Variants in ATP13A3 observed in about 807,000 individuals in gnomAD.
ATP13A3 encodes the protein ATPase 13A3.
In ATP13A3, 59 loss-of-function variants were observed where a neutral mutation model predicts 158.1. That is an observed-to-expected ratio of 0.37 (90% CI 0.30 to 0.46). ATP13A3 has a LOEUF of 0.46. ATP13A3 is among the 20% of genes least tolerant of loss of function. The pLI, the probability that ATP13A3 is intolerant of heterozygous loss-of-function variation, is 1.00. For missense variants in ATP13A3, 1,166 were observed against 1,525.2 expected (o/e 0.76, Z 3.92); for synonymous variants, 491 against 504.3 (o/e 0.97, Z 0.35).
At position 194,459,598 on chromosome 3, in the gene ATP13A3, ATC is replaced by A. The variant is rs1157711538; in HGVS notation, c.409-59_409-58del. 4 of 1,396,722 alleles carry A rather than the reference ATC, an allele frequency of 2.9e-6. No homozygotes were observed. In the African/African-American group the frequency reaches 5.7e-5, roughly 20 times the overall value. 86.5% of individuals were successfully genotyped at this position (1,396,722 alleles called of 1,614,324 possible). A position where few individuals can be genotyped will look rare whatever the true frequency, so the allele number is the denominator to read the frequency against. On this transcript the variant is annotated intron_variant, in intron 5 of 33. Transcript: ENST00000645319. ...AGCATATAATCACTTGTGATATGTA[ATC>A]TGTTACTTCTATTAACAGCTATATA...
chr3:194,428,095 C>T (rs989137726), intron 28 of ATP13A3, among the ~76,000 whole-genome samples: 2 of 151,916 alleles, frequency 1.3e-5, no homozygotes, highest in African/African-American at 4.8e-5. Flanking sequence ...ATGGTGCACA[C>T]CTGTAATCCC....
intron 14 of ATP13A3, among the ~76,000 whole-genome samples, chr3:194,446,524 ATTACC>A (rs1482555053): frequency 1.3e-5 from 2 of 152,174 alleles, no homozygotes; most frequent in Non-Finnish European, 2.9e-5. Flanking sequence ...TGGGTAAATA[ATTACC>A]TTACTTGTTT....
rs1714788346 is a variant in ATP13A3 at position 194,404,194 on chromosome 3, A to G, written c.*1725T>C. 2.3e-6 allele frequency: 1 copy of G among 429,404 alleles called. No homozygotes were observed. Among genetic ancestry groups the G allele is most frequent in the Non-Finnish European group, 4.6e-6 (1 of 218,260 alleles). 26.6% of individuals were successfully genotyped at this position (429,404 alleles called of 1,614,324 possible). On this transcript the variant is annotated 3_prime_UTR_variant, in exon 34 of 34. Coordinates refer to ENST00000645319, the MANE Select transcript of ATP13A3 (RefSeq NM_001367549.1). ...CAAGAGGTCTAAGATGCATAGCTTC[A>G]TAGAATCATTCATGGAACAACTGTT...
In ATP13A3 at chr3:194,437,398, C is replaced by T; in HGVS notation, c.1912G>A (p.Val638Ile). The T allele has an allele frequency of 4.3e-6, 7 of 1,614,206 alleles. No homozygotes were observed. Among genetic ancestry groups the T allele is most frequent in the Non-Finnish European group, 5.9e-6 (7 of 1,180,042 alleles). ...TTCCTATCCCCCAGCACCCTGGCAACCACACTCATACGTTGCAAAGCAGAA... is the reference window on the plus strand; with the variant it reads ...TTCCTATCCCCCAGCACCCTGGCAATCACACTCATACGTTGCAAAGCAGAA... ...FSSALQRMSV[V>I]ARVLGDRKMD... Residue 638 changes from valine (V) to isoleucine (I), a missense_variant, in exon 19 of 34, where the codon GTT becomes ATT. Transcript: ENST00000645319.
Position 194,480,439 on chromosome 3 carries a change from G to A in ATP13A3, c.-47+5355C>T, listed in dbSNP as rs181835840. ...AAGTTTAGATACTTTAAATTTCATGGAATCCATTAATAATTTACATCGCTC... is the reference window on the plus strand; with the variant it reads ...AAGTTTAGATACTTTAAATTTCATGAAATCCATTAATAATTTACATCGCTC... On this transcript the variant is annotated intron_variant, in intron 2 of 33. Transcript: ENST00000645319. Among the ~76,000 whole-genome samples the A allele has an allele frequency of 6.6e-3, 1,010 of 152,042 alleles. 12 individuals are homozygous for A. The highest frequency in any genetic ancestry group is 0.023 in the African/African-American group (954 of 41,444).
chr3:194,437,223 A>G lies in ATP13A3; in HGVS notation c.2000-8T>C, dbSNP rs1471482058. On this transcript the variant is annotated splice_polypyrimidine_tract_variant and splice_region_variant and intron_variant, in intron 19 of 33. Coordinates refer to ENST00000645319, the MANE Select transcript of ATP13A3 (RefSeq NM_001367549.1). ...TTTGAAAATCGACAGGAACTTTTTA[A>G]AAGAAAGAGTAAATTTCATTGTTAG... 6.2e-7 allele frequency: 1 copy of G among 1,613,816 alleles called. No individual in the cohort carries two copies. Among genetic ancestry groups the G allele is most frequent in the Non-Finnish European group, 8.5e-7 (1 of 1,179,946 alleles).
rs761536550 is a variant in ATP13A3 at position 194,447,098 on chromosome 3, T to A, written c.1326A>T (p.Ile442=). The A allele has an allele frequency of 1.2e-6, 2 of 1,608,574 alleles. No homozygotes were observed. Among genetic ancestry groups the A allele is most frequent in the Non-Finnish European group, 1.7e-6 (2 of 1,178,662 alleles). ...TGATAATATCAAGAGACTCGATAAT[T>A]ATGACCCCAACTTGTACCTACAATT... ...SILNEVQVGV[I]IIESLDIITI... is the part of the protein sequence containing the mutation. The change falls in exon 14 of 34, where the codon ATA becomes ATT. Residue 442 remains isoleucine (I), a synonymous_variant. Transcript: ENST00000645319.
At chr3:194,457,674 C>T (rs955545887) in intron 6 of ATP13A3, among the ~76,000 whole-genome samples, 1 of 152,048 alleles carries the variant, frequency 6.6e-6, no homozygotes, top group Non-Finnish European at 1.5e-5. Context: ...TAAATGCATA[C>T]CTGGTTTGAA....
At position 194,404,158 on chromosome 3, in the gene ATP13A3, A is replaced by G. The variant is rs1035929756; in HGVS notation, c.*1761T>C. ...ATAAGTAACTATAGAAAATAGTGCT[A>G]ATTCACAGCTCAAGAGGTCTAAGAT... On this transcript the variant is annotated 3_prime_UTR_variant, in exon 34 of 34. Transcript: ENST00000645319. The G allele has an allele frequency of 2.2e-5, 10 of 447,718 alleles. No homozygotes were observed. Among genetic ancestry groups the G allele is most frequent in the African/African-American group, 1.4e-4 (7 of 49,334 alleles). The allele number at this position is 447,718 out of a possible 1,614,324, so 27.7% of individuals were successfully genotyped here. A position where few individuals can be genotyped will look rare whatever the true frequency, so the allele number is the denominator to read the frequency against.
chr3:194,454,626 A>AGCG (rs1029579361), intron 8 of ATP13A3, among the ~76,000 whole-genome samples: 1 of 151,554 alleles, frequency 6.6e-6, no homozygotes, highest in Non-Finnish European at 1.5e-5. Flanking sequence ...CAGGAGATCA[A>AGCG]AACATCCTGG....
intron 30 of ATP13A3, among the ~76,000 whole-genome samples, chr3:194,424,985 T>C (rs1035553580): frequency 2.6e-5 from 4 of 152,148 alleles, no homozygotes; most frequent in African/African-American, 4.8e-5. Flanking sequence ...CCCTCCGCAG[T>C]GGGCTGAGGA....
At chr3:194,414,862 A>C (rs1251759516) in intron 31 of ATP13A3, among the ~76,000 whole-genome samples, 1 of 152,250 alleles carries the variant, frequency 6.6e-6, no homozygotes, top group Non-Finnish European at 1.5e-5. Context: ...CCCAAGTAAC[A>C]GTCAATATAT....
chr3:194,403,427 A>AG lies in ATP13A3; in HGVS notation c.*2491dup, dbSNP rs1399377414. On this transcript the variant is annotated 3_prime_UTR_variant, in exon 34 of 34. Transcript: ENST00000645319. ...AGTTACCACTATTTATACTTGAGGGAGAAAAAAAACTTTAAACAACCCTGA... is the reference window on the plus strand; with the variant it reads ...AGTTACCACTATTTATACTTGAGGGAGGAAAAAAAACTTTAAACAACCCTGA... 1 of 152,246 alleles carries AG rather than the reference A, an allele frequency of 6.6e-6. No individual in the cohort carries two copies. The allele number at this position is 152,246 out of a possible 1,614,324, so 9.4% of individuals were successfully genotyped here.
At chr3:194,433,260 G>T (rs371082788) in intron 21 of ATP13A3, among the ~76,000 whole-genome samples, 1 of 125,614 alleles carries the variant, frequency 8.0e-6, no homozygotes, top group African/African-American at 3.2e-5. Flanking sequence ...TTTTTGAGAC[G>T]GAGTCTCGCT....
intron 9 of ATP13A3, 43 bp from the exon 10 acceptor site, chr3:194,453,821 C>T: frequency 6.7e-7 from 1 of 1,491,808 alleles, no homozygotes; most frequent in Non-Finnish European, 9.3e-7. Flanking sequence ...AATATGAACC[C>T]ACTCCTCAGG....
Position 194,484,244 on chromosome 3 carries a change from T to C in ATP13A3, c.-47+1550A>G, listed in dbSNP as rs1577098624. ...ACTGTAAGCTCCTTAACTTCTTTAA[T>C]TTTTTTTTTAACAAAGAAGAATATT... is the stretch of plus-strand genomic sequence containing the variant. On this transcript the variant is annotated intron_variant, in intron 2 of 33. Transcript: ENST00000645319. Among the ~76,000 whole-genome samples the C allele has an allele frequency of 5.3e-5, 8 of 150,354 alleles. No individual in the cohort carries two copies. In the South Asian group the frequency reaches 1.7e-3, roughly 32 times the overall value.
At chr3:194,444,348 A>C (rs1005761677) in intron 15 of ATP13A3, among the ~76,000 whole-genome samples, 6 of 152,268 alleles carry the variant, frequency 3.9e-5, no homozygotes, top group African/African-American at 9.6e-5. Flanking sequence ...AAAATTAATA[A>C]ACTAGATCTG....
Position 194,412,188 on chromosome 3 carries a change from TGA to T in ATP13A3, c.3573+9_3573+10del. 1 of 1,534,538 alleles carries T rather than the reference TGA, an allele frequency of 6.5e-7. No individual in the cohort carries two copies. Among genetic ancestry groups the T allele is most frequent in the South Asian group, 1.2e-5 (1 of 84,026 alleles). ...GGCAGCAAGAATTGACAGGAAGTGC[TGA>T]GTTCCAACCTGCGGTGGCTGTGTGG... On this transcript the variant is annotated intron_variant, in intron 33 of 33. Transcript: ENST00000645319.
intron 31 of ATP13A3, among the ~76,000 whole-genome samples, chr3:194,414,982 A>G (rs917370450): frequency 3.9e-5 from 6 of 152,200 alleles, no homozygotes; most frequent in Non-Finnish European, 1.5e-5. Flanking sequence ...ACTCTAGGGG[A>G]TATCACCAGA....
Sources: allele counts gnomAD v4.1 joint callset (sites outside exome capture counted in the v4.1 genomes callset), GRCh38; gene constraint gnomAD v4.1.1; transcripts MANE v1.5; gene names NCBI Gene and HGNC (gene_info 2026-07-23, HGNC 2026-07-21).